The following SPTA1 variants were observed in gnomAD, a reference collection of about 807,000 sequenced individuals.
SPTA1 encodes the protein spectrin alpha, erythrocytic 1.
Under a neutral mutation model 324.7 loss-of-function variants are expected in SPTA1, and 177 were observed. The observed-to-expected ratio is 0.55, with a 90% CI of 0.48 to 0.62. The LOEUF (loss-of-function observed/expected upper bound fraction) is 0.62. Among genes scored for constraint, SPTA1 ranks in the 20% least tolerant of loss-of-function variants. The pLI, the probability that SPTA1 is intolerant of heterozygous loss-of-function variation, is 0.00. For missense variants in SPTA1, 3,162 were observed against 2,883.6 expected, an observed-to-expected ratio of 1.10 and a Z score of -2.21; for synonymous variants, 1,195 against 1,041.3, an observed-to-expected ratio of 1.15 and a Z score of -2.84.
At chr1:158,613,997 A>G in intron 49 of SPTA1, 130 bp from the exon 50 acceptor site, 2 of 1,058,964 alleles carry the variant, frequency 1.9e-6, no homozygotes, top group Non-Finnish European at 2.8e-6. Flanking sequence ...AGAGGACTGA[A>G]TACAAAGCCT....
At chr1:158,625,465 A>C (rs1259237373) in intron 42 of SPTA1, among the ~76,000 whole-genome samples, 1 of 152,110 alleles carries the variant, frequency 6.6e-6, no homozygotes, top group Non-Finnish European at 1.5e-5. Flanking sequence ...TTCTTTTCAA[A>C]TGTACATACA....
Position 158,669,494 on chromosome 1 carries a change from G to A in SPTA1, c.1747C>T (p.Leu583Phe), listed in dbSNP as rs751501714. ...TRRRLLKESL[L>F]LQKLYEDSDD... ...GAGTCCTCATACAGTTTTTGCAGAA[G>A]CAATGACTCCTTCAGCAATCTACGT... is the stretch of plus-strand genomic sequence containing the variant. Residue 583 changes from leucine (L) to phenylalanine (F), a missense_variant, in exon 14 of 52, where the codon CTT becomes TTT. Physicochemically the swap from Leu to Phe is conservative, Grantham distance 22. Transcript: ENST00000643759. The A allele has an allele frequency of 2.5e-5, 40 of 1,614,114 alleles. No homozygotes were observed. The highest frequency in any genetic ancestry group is 3.3e-5 in the Non-Finnish European group (39 of 1,180,016).
chr1:158,661,195 T>A, intron 18 of SPTA1, 92 bp downstream of exon 18: 2 of 1,595,230 alleles, frequency 1.3e-6, no homozygotes, highest in East Asian at 2.2e-5. Context: ...CAGATATTTT[T>A]AAATTCCCTT....
chr1:158,663,030 T>C (rs893098697), intron 16 of SPTA1, 85 bp from the exon 17 acceptor site: 1 of 1,585,386 alleles, frequency 6.3e-7, no homozygotes, highest in South Asian at 1.1e-5. Context: ...AACGGGGTCA[T>C]GGGAAAATCA....
At chr1:158,686,399 A>G in intron 1 of SPTA1, 95 bp downstream of exon 1, 1 of 915,190 alleles carries the variant, frequency 1.1e-6, no homozygotes, top group South Asian at 1.4e-5. Flanking sequence ...AATAATTATT[A>G]ATGTTCCTGG....
rs41273525 is a variant in SPTA1 at position 158,671,370 on chromosome 1, G to T, written c.1572C>A (p.Ala524=). The T allele has an allele frequency of 1.8e-5, 29 of 1,613,536 alleles. No individual in the cohort carries two copies. Among genetic ancestry groups the T allele is most frequent in the Admixed American group, 3.3e-5 (2 of 59,982 alleles). The change falls in exon 12 of 52, where the codon GCC becomes GCA. Residue 524 remains alanine (A), a synonymous_variant. Coordinates refer to ENST00000643759, the MANE Select transcript of SPTA1 (RefSeq NM_003126.4). ...LLQKHEDFEE[A]FTAQEEKIIT... ...TGATCTTCTCTTCCTGGGCAGTAAA[G>T]GCTTCCTCAAAGTCTTCATGCTTCT...
rs927584615 is a variant in SPTA1 at position 158,647,611 on chromosome 1, T to C, written c.3824A>G (p.Gln1275Arg). The C allele has an allele frequency of 5.0e-6, 8 of 1,613,858 alleles. No individual in the cohort carries two copies. The highest frequency in any genetic ancestry group is 4.0e-5 in the African/African-American group (3 of 74,882). ...CTCCTTACGATCCTTTGTACGCCCC[T>C]GCAGGTCTTCCCAGGCCTCATTCAG... ...MELNEAWEDL[Q>R]GRTKDRKESL... The change falls in exon 27 of 52, where the codon CAG becomes CGG. Residue 1275 changes from glutamine (Q) to arginine (R), a missense_variant. Transcript: ENST00000643759.
In SPTA1 at chr1:158,645,354, G is replaced by A; in HGVS notation, c.4028C>T (p.Pro1343Leu). Residue 1343 changes from proline (P) to leucine (L), a missense_variant, in exon 29 of 52, where the codon CCC (proline) becomes CTC (leucine). Physicochemically the swap from Pro to Leu is moderately conservative, Grantham distance 98. Coordinates refer to ENST00000643759, the MANE Select transcript of SPTA1 (RefSeq NM_003126.4). Reference protein sequence around the residue: ...EHRADMEAEAPTFQALEDFSA... With the variant: ...EHRADMEAEALTFQALEDFSA... ...GAAGTCCTCTAAGGCCTGGAAGGTG[G>A]GAGCCTCTGCCTCCATGTCAGCACG... 2.5e-6 allele frequency: 4 copies of A among 1,614,002 alleles called. No homozygotes were observed. Among genetic ancestry groups the A allele is most frequent in the Non-Finnish European group, 3.4e-6 (4 of 1,179,946 alleles).
chr1:158,671,436 C>G lies in SPTA1; in HGVS notation c.1506G>C (p.Glu502Asp), dbSNP rs1211394333. The change falls in exon 12 of 52, where the codon GAG (glutamate) becomes GAC (aspartate). Residue 502 changes from glutamate (E) to aspartate (D), a missense_variant. Glu to Asp is a conservative substitution (Grantham distance 45). Coordinates refer to ENST00000643759, the MANE Select transcript of SPTA1 (RefSeq NM_003126.4). ...MSRQEAFLEN[E>D]DLGNSLGSAE... The stretch of plus-strand genomic sequence containing the variant: ...CACTGCCCAGTGAGTTTCCCAGATC[C>G]TCGTTTTCCAGGAAGGCCTGTAGAA... The G allele has an allele frequency of 6.2e-7, 1 of 1,612,812 alleles. No individual in the cohort carries two copies. The highest frequency in any genetic ancestry group is 8.5e-7 in the Non-Finnish European group (1 of 1,179,876).
intron 3 of SPTA1, among the ~76,000 whole-genome samples, chr1:158,682,555 G>A (rs372477538): frequency 2.0e-5 from 3 of 152,162 alleles, no homozygotes; most frequent in Admixed American, 6.5e-5. Flanking sequence ...ATCTGTGTCC[G>A]TTGACCATAT....
At chr1:158,628,065 A>C (rs1212881035) in intron 39 of SPTA1, among the ~76,000 whole-genome samples, 1 of 152,142 alleles carries the variant, frequency 6.6e-6, no homozygotes. Flanking sequence ...CAATGAAACA[A>C]TGTGTCTAGC....
At chr1:158,645,887 A>G (rs1351031350) in intron 27 of SPTA1, among the ~76,000 whole-genome samples, 2 of 152,174 alleles carry the variant, frequency 1.3e-5, no homozygotes, top group Non-Finnish European at 2.9e-5. Context: ...GTCACCTTAG[A>G]AAAGGTAATT....
chr1:158,648,417 A>G, intron 26 of SPTA1, 92 bp downstream of exon 26: 1 of 1,548,224 alleles, frequency 6.5e-7, no homozygotes, highest in East Asian at 2.2e-5. Flanking sequence ...TAAGAATAAA[A>G]GACTGAAAAA....
intron 33 of SPTA1, 102 bp downstream of exon 33, chr1:158,642,309 T>C (rs1274170968): frequency 7.9e-7 from 1 of 1,259,288 alleles, no homozygotes; most frequent in Non-Finnish European, 1.0e-6. Flanking sequence ...TAAAGTATAA[T>C]AATAATAAAA....
chr1:158,648,380 A>C, intron 26 of SPTA1, 129 bp downstream of exon 26: 13 of 1,376,324 alleles, frequency 9.4e-6, no homozygotes, highest in Non-Finnish European at 1.3e-5. Flanking sequence ...GTACAAGAAT[A>C]AATATGGCAC....
intron 51 of SPTA1, 61 bp downstream of exon 51, chr1:158,612,756 T>G: frequency 9.8e-5 from 156 of 1,599,636 alleles, no homozygotes; most frequent in Middle Eastern, 3.3e-4. Context: ...CCACCGGGCC[T>G]GAGATGACCA....
At chr1:158,656,312 A>C (rs1214817576) in intron 20 of SPTA1, among the ~76,000 whole-genome samples, 1 of 152,184 alleles carries the variant, frequency 6.6e-6, no homozygotes, top group Non-Finnish European at 1.5e-5. Flanking sequence ...AGAAATATAA[A>C]AGGAAGGAAA....
At chr1:158,618,855 G>T (rs1649733081) in intron 45 of SPTA1, among the ~76,000 whole-genome samples, 1 of 152,196 alleles carries the variant, frequency 6.6e-6, no homozygotes, top group Non-Finnish European at 1.5e-5. Flanking sequence ...TTTCAAGGTT[G>T]CTCCGACAGT....
intron 39 of SPTA1, among the ~76,000 whole-genome samples, chr1:158,630,585 A>G (rs1379818788): frequency 1.3e-5 from 2 of 152,056 alleles, no homozygotes; most frequent in Non-Finnish European, 2.9e-5. Flanking sequence ...CTTGGCAATG[A>G]TTACATAAAT....
Sources: allele counts gnomAD v4.1 joint callset (sites outside exome capture counted in the v4.1 genomes callset), GRCh38; gene constraint gnomAD v4.1.1; transcripts MANE v1.5; gene names NCBI Gene and HGNC (gene_info 2026-07-23, HGNC 2026-07-21).